The following WDR11 variants were observed in gnomAD, a reference collection of about 807,000 sequenced individuals.
The protein encoded by WDR11 is WD repeat-containing protein 11.
A neutral mutation model predicts 151.2 loss-of-function variants in WDR11; 83 were observed. That is an observed-to-expected ratio of 0.55 (90% CI 0.46 to 0.66). The LOEUF (loss-of-function observed/expected upper bound fraction) is 0.66. Among genes scored for constraint, WDR11 ranks in the 30% least tolerant of loss-of-function variants. WDR11 has a pLI of 0.00. For missense variants in WDR11, 1,301 were observed against 1,480.9 expected, an observed-to-expected ratio of 0.88 and a Z score of 1.99; for synonymous variants, 484 against 533.1, an observed-to-expected ratio of 0.91 and a Z score of 1.27.
Position 120,901,071 on chromosome 10 carries a change from T to A in WDR11, c.2660T>A (p.Leu887His), listed in dbSNP as rs1239061783. 6.2e-7 allele frequency: 1 copy of A among 1,612,932 alleles called. No individual in the cohort carries two copies. The highest frequency in any genetic ancestry group is 8.5e-7 in the Non-Finnish European group (1 of 1,179,184). ...YPENEEIKNL[L>H]QEQLNSLSND... is the part of the protein sequence containing the mutation. The stretch of plus-strand genomic sequence containing the variant: ...GAAAATGAAGAAATAAAGAATCTCC[T>A]CCAAGAACAGTTGAATTCATTGTCT... The change falls in exon 21 of 29, where the codon CTC becomes CAC. Residue 887 changes from leucine (L) to histidine (H), a missense_variant. This residue lies in a region of WDR11 where 589 missense variants were observed against 670.6 expected (regional missense o/e 0.88). Coordinates refer to ENST00000263461, the MANE Select transcript of WDR11 (RefSeq NM_018117.12).
At chr10:120,889,789 T>A (rs1847355175) in intron 17 of WDR11, 106 bp from the exon 18 acceptor site, 1 of 806,618 alleles carries the variant, frequency 1.2e-6, no homozygotes, top group Non-Finnish European at 2.1e-6. Context: ...GGTTCTCCCA[T>A]CATCAGACCT....
At chr10:120,864,430 T>C (rs1471459077) in intron 5 of WDR11, among the ~76,000 whole-genome samples, 3 of 152,238 alleles carry the variant, frequency 2.0e-5, no homozygotes, top group Non-Finnish European at 4.4e-5. Context: ...TCACAAATTA[T>C]TAAAATGATT....
rs1420181358 is a variant in WDR11 at position 120,866,907 on chromosome 10, A to T, written c.1190+143A>T. On this transcript the variant is annotated intron_variant, in intron 8 of 28. Coordinates refer to ENST00000263461, the MANE Select transcript of WDR11 (RefSeq NM_018117.12). ...TAATTAAGGCTTTAGATTATTAGGG[A>T]ATTATGTAAATCTGCTAGAGCTATT... The T allele has an allele frequency of 4.6e-6, 5 of 1,095,800 alleles. 1 individual carries two copies. Among genetic ancestry groups the T allele is most frequent in the Middle Eastern group, 2.9e-4 (1 of 3,418 alleles). The allele number at this position is 1,095,800 out of a possible 1,614,324, so 67.9% of individuals were successfully genotyped here.
intron 13 of WDR11, among the ~76,000 whole-genome samples, chr10:120,882,415 C>G (rs1209932327): frequency 6.6e-6 from 1 of 151,460 alleles, no homozygotes; most frequent in Non-Finnish European, 1.5e-5. Flanking sequence ...AGTATTCTCT[C>G]TCCTTTTTTT....
In WDR11 at chr10:120,908,576, T is replaced by G; in HGVS notation, c.3538T>G (p.Tyr1180Asp). The stretch of plus-strand genomic sequence containing the variant: ...TTTACAGAAACTCATCACTGCTATA[T>G]ATGCAGATTATGCCCGGAGTTTGAA... ...EDTEKLITAI[Y>D]ADYARSLKNL... The change falls in exon 29 of 29, where the codon TAT becomes GAT. Residue 1180 changes from tyrosine to aspartate, a missense_variant. This residue lies in a region of WDR11 where 589 missense variants were observed against 670.6 expected (regional missense o/e 0.88). Coordinates refer to ENST00000263461, the MANE Select transcript of WDR11 (RefSeq NM_018117.12). The G allele has an allele frequency of 6.2e-7, 1 of 1,614,200 alleles. No homozygotes were observed. Among genetic ancestry groups the G allele is most frequent in the Non-Finnish European group, 8.5e-7 (1 of 1,180,032 alleles).
chr10:120,867,314 A>T, intron 9 of WDR11, 145 bp downstream of exon 9: 2 of 694,528 alleles, frequency 2.9e-6, no homozygotes, highest in Non-Finnish European at 5.0e-6. Context: ...TCCTAAATAA[A>T]TCAGAGGGGT....
In WDR11 at chr10:120,874,198, TGTTG is replaced by T. The variant is rs1564703279; in HGVS notation, c.1556+276_1556+279del. Among the ~76,000 whole-genome samples, 207 of 98,386 alleles carry T rather than the reference TGTTG, an allele frequency of 2.1e-3. 5 individuals are homozygous for T. Among genetic ancestry groups the T allele is most frequent in the Middle Eastern group, 5.6e-3 (1 of 180 alleles). The allele number at this position is 98,386 out of a possible 152,430, so 64.5% of individuals were successfully genotyped here. ...GCAGTTTTTTTTTTTTTTTTGTTGTTGTTGTTGTTGTTTGTTTTGTTTTGTTTTG... is the reference window on the plus strand; with the variant it reads ...GCAGTTTTTTTTTTTTTTTTGTTGTTTTGTTGTTTGTTTTGTTTTGTTTTG... On this transcript the variant is annotated intron_variant, in intron 11 of 28. Coordinates refer to ENST00000263461, the MANE Select transcript of WDR11 (RefSeq NM_018117.12).
intron 2 of WDR11, among the ~76,000 whole-genome samples, chr10:120,854,635 G>T (rs902227015): frequency 8.5e-5 from 13 of 152,182 alleles, no homozygotes; most frequent in Admixed American, 7.2e-4. Context: ...AGTCTAATTT[G>T]TCCAAATCCT....
intron 16 of WDR11, 66 bp from the exon 17 acceptor site, chr10:120,889,012 A>T: frequency 8.2e-7 from 1 of 1,218,640 alleles, no homozygotes; most frequent in South Asian, 1.3e-5. Context: ...TTTTATTAAA[A>T]TATTTATTAT....
chr10:120,896,194 G>A (rs1847608233), intron 19 of WDR11, among the ~76,000 whole-genome samples: 1 of 152,132 alleles, frequency 6.6e-6, no homozygotes, highest in Non-Finnish European at 1.5e-5. Context: ...AAATGCAAGT[G>A]TAAAAGAGCA....
In WDR11 at chr10:120,906,128, A is replaced by T; in HGVS notation, c.3437+107A>T. On this transcript the variant is annotated intron_variant, in intron 27 of 28. Coordinates refer to ENST00000263461, the MANE Select transcript of WDR11 (RefSeq NM_018117.12). ...GGTACTCGATGTGTAAAGTGAAAGG[A>T]GAAGTATACATTTCAGGTTTGTCAA... The T allele has an allele frequency of 2.5e-6, 4 of 1,594,168 alleles. No individual in the cohort carries two copies. In the South Asian group the frequency reaches 4.5e-5, roughly 18 times the overall value.
At chr10:120,871,055 A>G (rs1014571394) in intron 9 of WDR11, 115 bp from the exon 10 acceptor site, 2 of 1,082,316 alleles carry the variant, frequency 1.8e-6, no homozygotes, top group Non-Finnish European at 1.4e-6. Context: ...AAAGTACTAC[A>G]TTAACTACAT....
chr10:120,884,920 A>G (rs536417332), intron 14 of WDR11: 6 of 152,334 alleles, frequency 3.9e-5, no homozygotes, highest in Admixed American at 2.6e-4. Flanking sequence ...ACTAACAAAA[A>G]CTGGACAGCC....
At chr10:120,869,173 C>T (rs1038710936) in intron 9 of WDR11, among the ~76,000 whole-genome samples, 7 of 142,712 alleles carry the variant, frequency 4.9e-5, no homozygotes, top group African/African-American at 7.9e-5. Context: ...TGCAGTGGCG[C>T]GATCTCGGCT....
chr10:120,867,238 C>A, intron 9 of WDR11, 69 bp downstream of exon 9: 2 of 1,108,898 alleles, frequency 1.8e-6, no homozygotes, highest in Non-Finnish European at 2.8e-6. Context: ...TAGAATCACT[C>A]ACTTGTAATT....
At chr10:120,888,486 C>G (rs1005974665) in intron 16 of WDR11, among the ~76,000 whole-genome samples, 2 of 152,220 alleles carry the variant, frequency 1.3e-5, no homozygotes, top group African/African-American at 4.8e-5. Flanking sequence ...AGATTGACTA[C>G]AGCAGCATTT....
At position 120,851,608 on chromosome 10, in the gene WDR11, T is replaced by C. The variant is rs1051358017; in HGVS notation, c.86+102T>C. Reference sequence around the variant, plus strand: ...CACCCCCTGGTTAGTTTGGCCTCGCTAAGGCAGGGAGCCGCCCTCACGCAA... The same window carrying C: ...CACCCCCTGGTTAGTTTGGCCTCGCCAAGGCAGGGAGCCGCCCTCACGCAA... On this transcript the variant is annotated intron_variant, in intron 1 of 28. Transcript: ENST00000263461. 3 of 1,438,446 alleles carry C rather than the reference T, an allele frequency of 2.1e-6. No individual in the cohort carries two copies. The African/African-American group carries it at 4.2e-5, about 20-fold the overall frequency. The allele number at this position is 1,438,446 out of a possible 1,614,324, so 89.1% of individuals were successfully genotyped here. A position where few individuals can be genotyped will look rare whatever the true frequency, so the allele number is the denominator to read the frequency against.
intron 16 of WDR11, 71 bp downstream of exon 16, chr10:120,886,907 TAGTTA>T (rs1847239557): frequency 1.9e-6 from 3 of 1,557,164 alleles, no homozygotes; most frequent in Non-Finnish European, 2.7e-6. Context: ...AGTGAAGGCA[TAGTTA>T]AGTTGGAAAC....
In WDR11 at chr10:120,888,991, TTTAAA is replaced by T. The variant is rs1847322111; in HGVS notation, c.2122-82_2122-78del. 6 of 1,063,912 alleles carry T rather than the reference TTTAAA, an allele frequency of 5.6e-6. No individual in the cohort carries two copies. In the Admixed American group the frequency reaches 9.4e-5, roughly 17 times the overall value. 65.9% of individuals were successfully genotyped at this position (1,063,912 alleles called of 1,614,324 possible). A position where few individuals can be genotyped will look rare whatever the true frequency, so the allele number is the denominator to read the frequency against. On this transcript the variant is annotated intron_variant, in intron 16 of 28. Coordinates refer to ENST00000263461, the MANE Select transcript of WDR11 (RefSeq NM_018117.12). ...CTAAAAGCATACTAAAGCACAGCCC[TTTAAA>T]TTAAGTTTTATTAAAATATTTATTA...
Sources: allele counts gnomAD v4.1 joint callset (sites outside exome capture counted in the v4.1 genomes callset), GRCh38; gene constraint gnomAD v4.1.1; regional missense constraint gnomAD v4.1.1; transcripts MANE v1.5; gene names NCBI Gene and HGNC (gene_info 2026-07-23, HGNC 2026-07-21).